UGGT1: variants seen among roughly 807,000 people sequenced by gnomAD.
UGGT1 encodes the protein UDP-glucose glycoprotein glucosyltransferase 1.
Under a neutral mutation model 203.9 loss-of-function variants are expected in UGGT1, and 107 were observed. The ratio of observed to expected loss-of-function variants is 0.52; its 90% CI spans 0.45 to 0.62. The LOEUF is 0.62. Ranked by LOEUF, UGGT1 falls within the 20% of genes least tolerant of loss-of-function variation. The probability of loss-of-function intolerance (pLI) is 0.00; values close to 1 mark genes in which losing one functional copy is unlikely to be tolerated. For missense variants in UGGT1, 1,673 were observed against 1,867.2 expected (o/e 0.90, Z 1.92); for synonymous variants, 628 against 653.5 (o/e 0.96, Z 0.59).
At chr2:128,106,783 C>T (rs1455804913) in intron 3 of UGGT1, among the ~76,000 whole-genome samples, 1 of 152,086 alleles carries the variant, frequency 6.6e-6, no homozygotes, top group Non-Finnish European at 1.5e-5. Flanking sequence ...CTCCTGACCT[C>T]GGGTGATCCA....
chr2:128,141,810 C>CA (rs780490123), intron 16 of UGGT1, among the ~76,000 whole-genome samples: 2,307 of 105,776 alleles, frequency 0.022, 24 homozygotes, highest in Middle Eastern at 0.072. Context: ...AACTCCATCT[C>CA]AAAAAAAAAA....
chr2:128,097,537 T>C lies in UGGT1; in HGVS notation c.167T>C (p.Phe56Ser). The change falls in exon 2 of 41, where the codon TTT (phenylalanine) becomes TCT (serine). Residue 56 changes from phenylalanine (F) to serine (S), a missense_variant. Phe to Ser is a radical substitution (Grantham distance 155). Around this residue, in one of 4 missense-constraint regions of UGGT1, gnomAD observed 83 missense variants for 87.2 expected, o/e 0.95. Transcript: ENST00000259253. ...AITTSLTTKW[F>S]STPLLLEASE... ...ACAACCTCTCTTACAACAAAATGGTTTTCCACTCCATTGTTGTTAGAAGCC... is the reference window on the plus strand; with the variant it reads ...ACAACCTCTCTTACAACAAAATGGTCTTCCACTCCATTGTTGTTAGAAGCC... 6.2e-7 allele frequency: 1 copy of C among 1,614,168 alleles called. No individual in the cohort carries two copies. Among genetic ancestry groups the C allele is most frequent in the Non-Finnish European group, 8.5e-7 (1 of 1,180,010 alleles).
intron 26 of UGGT1, among the ~76,000 whole-genome samples, chr2:128,165,041 T>C (rs1176525788): frequency 6.6e-6 from 1 of 152,244 alleles, no homozygotes; most frequent in Non-Finnish European, 1.5e-5. Context: ...CATTTATTTC[T>C]AAATGAATCT....
chr2:128,130,409 G>A (rs1688817913), intron 13 of UGGT1, among the ~76,000 whole-genome samples: 1 of 152,160 alleles, frequency 6.6e-6, no homozygotes, highest in South Asian at 2.1e-4. Flanking sequence ...GAGAAATAAT[G>A]TAGAATGTAG....
intron 3 of UGGT1, among the ~76,000 whole-genome samples, chr2:128,106,312 G>A (rs936853243): frequency 1.3e-5 from 2 of 152,036 alleles, no homozygotes; most frequent in African/African-American, 4.8e-5. Flanking sequence ...CAGTAAAAAT[G>A]ATAATATTAA....
chr2:128,100,418 T>G (rs1223944982), intron 2 of UGGT1, among the ~76,000 whole-genome samples: 1 of 151,924 alleles, frequency 6.6e-6, no homozygotes, highest in East Asian at 1.9e-4. Flanking sequence ...TTAACATTCT[T>G]TTTTTGAGAT....
At position 128,152,778 on chromosome 2, in the gene UGGT1, T is replaced by C; in HGVS notation, c.2017-6T>C. On this transcript the variant is annotated splice_polypyrimidine_tract_variant and splice_region_variant and intron_variant, in intron 18 of 40. Transcript: ENST00000259253. ...CCCCCCTCAACCTCCTTTTTTTTTC[T>C]TGCAGGGTGAACTGCCCCATGATCA... The C allele has an allele frequency of 6.3e-7, 1 of 1,593,612 alleles. No individual in the cohort carries two copies. Among genetic ancestry groups the C allele is most frequent in the Non-Finnish European group, 8.5e-7 (1 of 1,172,466 alleles).
chr2:128,168,952 C>T (rs1405793772), intron 26 of UGGT1, among the ~76,000 whole-genome samples: 2 of 142,084 alleles, frequency 1.4e-5, no homozygotes, highest in East Asian at 2.2e-4. Flanking sequence ...GTGGCTGGGG[C>T]GCGAGGATTG....
chr2:128,115,101 T>TACCACCA, intron 6 of UGGT1, 23 bp from the exon 7 acceptor site: 1 of 1,610,810 alleles, frequency 6.2e-7, no homozygotes, highest in Non-Finnish European at 8.5e-7. Flanking sequence ...GTGGTAATGA[T>TACCACCA]GGAATTCTTG....
At position 128,112,613 on chromosome 2, in the gene UGGT1, C is replaced by T. The variant is rs137894100; in HGVS notation, c.522-471C>T. On this transcript the variant is annotated intron_variant, in intron 5 of 40. Coordinates refer to ENST00000259253, the MANE Select transcript of UGGT1 (RefSeq NM_020120.4). ...TTTTTTTTTTTTTGAGACAGGGTCC[C>T]GTTCTGTCACCCAGGGTGGAGTCCA... Among the ~76,000 whole-genome samples, 427 of 147,106 alleles carry T rather than the reference C, an allele frequency of 2.9e-3. 19 individuals carry two copies. Among genetic ancestry groups the T allele is most frequent in the Admixed American group, 0.026 (379 of 14,578 alleles).
At chr2:128,128,150 A>G (rs762560517) in intron 12 of UGGT1, among the ~76,000 whole-genome samples, 2 of 152,124 alleles carry the variant, frequency 1.3e-5, no homozygotes, top group Non-Finnish European at 2.9e-5. Flanking sequence ...TTGAATATCC[A>G]CTTTTTGGTA....
intron 31 of UGGT1, among the ~76,000 whole-genome samples, chr2:128,175,737 C>A (rs1486238238): frequency 6.6e-6 from 1 of 152,206 alleles, no homozygotes; most frequent in Non-Finnish European, 1.5e-5. Flanking sequence ...GATGCCCTGG[C>A]CCTTGCCAGC....
intron 22 of UGGT1, among the ~76,000 whole-genome samples, chr2:128,158,452 T>C (rs529216936): frequency 6.6e-6 from 1 of 152,360 alleles, no homozygotes; most frequent in Admixed American, 6.5e-5. Context: ...TTTAGTTTAT[T>C]AAAATGGAAT....
chr2:128,136,024 C>A (rs1293759426), intron 15 of UGGT1, among the ~76,000 whole-genome samples: 2 of 152,146 alleles, frequency 1.3e-5, no homozygotes, highest in African/African-American at 4.8e-5. Flanking sequence ...GGCACTAATA[C>A]AATATTTCTT....
At chr2:128,177,568 G>A (rs1329337879) in intron 32 of UGGT1, among the ~76,000 whole-genome samples, 1 of 152,178 alleles carries the variant, frequency 6.6e-6, no homozygotes, top group Non-Finnish European at 1.5e-5. Context: ...TGAGTTTGCG[G>A]CTCTTTGCCT....
intron 22 of UGGT1, among the ~76,000 whole-genome samples, chr2:128,157,934 G>A (rs571701902): frequency 6.7e-4 from 102 of 152,250 alleles, no homozygotes; most frequent in African/African-American, 2.3e-3. Context: ...GTTTCAGTTT[G>A]CATCTTCATC....
rs763045123 is a variant in UGGT1, at chr2:128,161,256, TAGA to T, written c.2820_2822del (p.Glu940del). ...AAATCTCATATTCAACAGCTTCGGG[TAGA>T]AGAAGATGTGTAAGTTTTGCCATAG... is the stretch of plus-strand genomic sequence containing the variant. On this transcript the variant is annotated inframe_deletion, in exon 25 of 41. Coordinates refer to ENST00000259253, the MANE Select transcript of UGGT1 (RefSeq NM_020120.4). 7 of 1,613,538 alleles carry T rather than the reference TAGA, an allele frequency of 4.3e-6. No individual in the cohort carries two copies. The highest frequency in any genetic ancestry group is 5.1e-6 in the Non-Finnish European group (6 of 1,179,830).
intron 25 of UGGT1, among the ~76,000 whole-genome samples, chr2:128,161,565 C>T (rs924893572): frequency 3.9e-5 from 6 of 151,962 alleles, no homozygotes; most frequent in Non-Finnish European, 5.9e-5. Context: ...TTATTTATTA[C>T]CTGGAATACT....
rs747118099 is a variant in UGGT1, at chr2:128,161,180, G to A, written c.2737G>A (p.Asp913Asn). The A allele has an allele frequency of 2.2e-5, 35 of 1,613,854 alleles. No homozygotes were observed. The highest frequency in any genetic ancestry group is 1.2e-4 in the Admixed American group (7 of 59,990). Reference protein sequence around the residue: ...LEDSELFNQDDFHLLENIILK... With the variant: ...LEDSELFNQDNFHLLENIILK... Reference sequence around the variant, plus strand: ...GGATAGTGAGCTCTTTAATCAAGACGATTTCCACCTCCTCGAAAATATCAT... The same window carrying A: ...GGATAGTGAGCTCTTTAATCAAGACAATTTCCACCTCCTCGAAAATATCAT... Residue 913 changes from aspartate to asparagine, a missense_variant, in exon 25 of 41, where the codon GAT becomes AAT. By Grantham distance (23) the Asp-to-Asn change is conservative (BLOSUM62 1). Transcript: ENST00000259253.
Sources: allele counts gnomAD v4.1 joint callset (sites outside exome capture counted in the v4.1 genomes callset), GRCh38; gene constraint gnomAD v4.1.1; regional missense constraint gnomAD v4.1.1; transcripts MANE v1.5; gene names NCBI Gene and HGNC (gene_info 2026-07-23, HGNC 2026-07-21).